The following SRP72 variants were observed in gnomAD, a reference collection of about 807,000 sequenced individuals.
SRP72 encodes the protein signal recognition particle subunit SRP72.
A neutral mutation model predicts 96.3 loss-of-function variants in SRP72; 49 were observed. The ratio of observed to expected loss-of-function variants is 0.51; its 90% CI spans 0.40 to 0.65. SRP72 has a LOEUF of 0.65. Among genes scored for constraint, SRP72 ranks in the 30% least tolerant of loss-of-function variants. The pLI is 0.00. For missense variants in SRP72, 736 were observed against 793.3 expected (o/e 0.93, Z 0.87); for synonymous variants, 267 against 275.2 (o/e 0.97, Z 0.30).
chr4:56,489,037 C>G (rs1344304023), intron 12 of SRP72: 1 of 164,202 alleles, frequency 6.1e-6, no homozygotes, highest in African/African-American at 2.4e-5. Flanking sequence ...TTCAGCCGCT[C>G]TATGTATGCC....
intron 8 of SRP72, 103 bp downstream of exon 8, chr4:56,478,752 A>T: frequency 8.4e-7 from 1 of 1,193,334 alleles, no homozygotes; most frequent in South Asian, 1.5e-5. Context: ...TTTTAACATG[A>T]TGAAAAAAGT....
chr4:56,490,514 T>C, intron 14 of SRP72, 54 bp from the exon 15 acceptor site: 4 of 1,597,822 alleles, frequency 2.5e-6, no homozygotes, highest in Non-Finnish European at 3.4e-6. Context: ...CTTGTTTATA[T>C]TACTTTCTCC....
intron 6 of SRP72, among the ~76,000 whole-genome samples, chr4:56,477,889 T>C (rs533269228): frequency 6.6e-6 from 1 of 152,350 alleles, no homozygotes; most frequent in Non-Finnish European, 1.5e-5. Context: ...GTTCCAGCTT[T>C]TGAAGTTTTT....
At chr4:56,492,140 G>A (rs1243625324) in intron 16 of SRP72, among the ~76,000 whole-genome samples, 4 of 152,154 alleles carry the variant, frequency 2.6e-5, no homozygotes, top group East Asian at 1.9e-4. Context: ...TACAGAAGGA[G>A]GATTGTATTG....
intron 13 of SRP72, among the ~76,000 whole-genome samples, chr4:56,490,003 G>A (rs1489824429): frequency 2.6e-5 from 4 of 152,138 alleles, no homozygotes; most frequent in African/African-American, 9.7e-5. Flanking sequence ...AGTGCTCTGG[G>A]AAAGTATTAT....
intron 15 of SRP72, 121 bp from the exon 16 acceptor site, chr4:56,491,310 G>T: frequency 8.3e-7 from 1 of 1,197,706 alleles, no homozygotes. Context: ...TTTTGCTTTT[G>T]TTGAAGGTCA....
intron 10 of SRP72, among the ~76,000 whole-genome samples, chr4:56,485,263 A>G (rs1392116611): frequency 6.6e-6 from 1 of 152,138 alleles, no homozygotes; most frequent in Admixed American, 6.6e-5. Flanking sequence ...CAAACCAGCT[A>G]TTATATTGCA....
At chr4:56,467,772 G>A in intron 1 of SRP72, 28 bp downstream of exon 1, 1 of 1,427,348 alleles carries the variant, frequency 7.0e-7, no homozygotes, top group Non-Finnish European at 9.3e-7. Flanking sequence ...CACTGGGGCG[G>A]GCCCAGGCCG....
chr4:56,501,475 A>T (rs919955487), intron 18 of SRP72, among the ~76,000 whole-genome samples: 2 of 152,160 alleles, frequency 1.3e-5, no homozygotes, highest in Non-Finnish European at 1.5e-5. Flanking sequence ...AAAACTTGGC[A>T]TGTGTACCAT....
intron 8 of SRP72, among the ~76,000 whole-genome samples, chr4:56,482,608 A>G (rs1252560262): frequency 6.6e-6 from 1 of 152,216 alleles, no homozygotes; most frequent in Non-Finnish European, 1.5e-5. Flanking sequence ...TCTGGAACCA[A>G]ACACGAAATA....
chr4:56,480,355 G>T (rs998412230), intron 8 of SRP72, among the ~76,000 whole-genome samples: 3 of 152,150 alleles, frequency 2.0e-5, no homozygotes, highest in African/African-American at 7.2e-5. Flanking sequence ...CACCTCCCGG[G>T]TTCAAGTGAT....
intron 9 of SRP72, 140 bp downstream of exon 9, chr4:56,483,410 C>T (rs1042382105): frequency 1.3e-5 from 10 of 793,420 alleles, no homozygotes; most frequent in African/African-American, 7.2e-5. Context: ...TTGCCTTCCT[C>T]AAAATATTAT....
Position 56,467,716 on chromosome 4 carries a change from C to A in SRP72, c.81C>A (p.Phe27Leu). The A allele has an allele frequency of 6.4e-7, 1 of 1,554,572 alleles. No homozygotes were observed. The highest frequency in any genetic ancestry group is 2.0e-5 in the Admixed American group (1 of 49,546). Reference protein sequence around the residue: ...EVNRYGQNGDFTRALKTVNKI... With the variant: ...EVNRYGQNGDLTRALKTVNKI... ...ACCGGTATGGCCAGAACGGCGACTT[C>A]ACGCGCGCTCTCAAGACCGTCAATA... The change falls in exon 1 of 19, where the codon TTC (phenylalanine) becomes TTA (leucine). Residue 27 changes from phenylalanine to leucine, a missense_variant. By Grantham distance (22) the Phe-to-Leu change is conservative. Transcript: ENST00000642900.
intron 6 of SRP72, 87 bp downstream of exon 6, chr4:56,476,789 T>A (rs1720240220): frequency 7.2e-7 from 1 of 1,393,970 alleles, no homozygotes; most frequent in Non-Finnish European, 1.0e-6. Context: ...TTATTGACTT[T>A]TTTTAGAAGA....
At chr4:56,492,531 A>C (rs528136989) in intron 16 of SRP72, among the ~76,000 whole-genome samples, 1 of 152,182 alleles carries the variant, frequency 6.6e-6, no homozygotes, top group Non-Finnish European at 1.5e-5. Flanking sequence ...AGTTTTTGCT[A>C]CTTCCTCCTT....
chr4:56,498,703 C>T (rs993678225), intron 17 of SRP72, among the ~76,000 whole-genome samples: 1 of 152,142 alleles, frequency 6.6e-6, no homozygotes, highest in Admixed American at 6.6e-5. Context: ...CCTAGGCATA[C>T]AACTAACAAG....
Position 56,468,780 on chromosome 4 carries a change from C to G in SRP72, c.110-873C>G, listed in dbSNP as rs115894378. Among the ~76,000 whole-genome samples, 481 of 152,286 alleles carry G rather than the reference C, an allele frequency of 3.2e-3. 4 individuals carry two copies. The highest frequency in any genetic ancestry group is 0.031 in the Middle Eastern group (9 of 294). ...ATCCCTAAATTTGTTTGAATTAACT[C>G]TAGCCTTCCAACCAGTACTGTATAC... On this transcript the variant is annotated intron_variant, in intron 1 of 18. Coordinates refer to ENST00000642900, the MANE Select transcript of SRP72 (RefSeq NM_006947.4).
At chr4:56,485,423 C>T (rs1720669154) in intron 10 of SRP72, among the ~76,000 whole-genome samples, 1 of 143,072 alleles carries the variant, frequency 7.0e-6, no homozygotes, top group Non-Finnish European at 1.5e-5. Context: ...AAAAAAAAAT[C>T]TATTTAGTAA....
intron 1 of SRP72, among the ~76,000 whole-genome samples, chr4:56,468,164 G>A (rs1719822978): frequency 6.6e-6 from 1 of 152,130 alleles, no homozygotes; most frequent in Non-Finnish European, 1.5e-5. Context: ...TGTTCTCTTT[G>A]GCCGCTAAAG....
Sources: allele counts gnomAD v4.1 joint callset (sites outside exome capture counted in the v4.1 genomes callset), GRCh38; gene constraint gnomAD v4.1.1; transcripts MANE v1.5; gene names NCBI Gene and HGNC (gene_info 2026-07-23, HGNC 2026-07-21).